Variants in FBXO21 observed in about 807,000 individuals in gnomAD.
FBXO21 encodes the protein F-box protein 21.
A neutral mutation model predicts 76.6 loss-of-function variants in FBXO21; 32 were observed. The ratio of observed to expected loss-of-function variants is 0.42; its 90% confidence interval spans 0.32 to 0.56. The LOEUF is 0.56. FBXO21 is among the 20% of genes least tolerant of loss of function. The pLI is 0.16. For missense variants in FBXO21, 586 were observed against 797.3 expected (o/e 0.73, Z 3.19); for synonymous variants, 328 against 311.5 (o/e 1.05, Z -0.56).
At chr12:117,153,001 G>A (rs1394560134) in intron 11 of FBXO21, among the ~76,000 whole-genome samples, 1 of 152,072 alleles carries the variant, frequency 6.6e-6, no homozygotes, top group Non-Finnish European at 1.5e-5. Context: ...TGCTGGGGCT[G>A]TAAGGGGAAG....
chr12:117,147,242 C>CA (rs1163151005), intron 11 of FBXO21, among the ~76,000 whole-genome samples: 6 of 69,472 alleles, frequency 8.6e-5, no homozygotes, highest in South Asian at 4.9e-4. Flanking sequence ...AAGTCCATCT[C>CA]AAAAAAAAGA....
intron 11 of FBXO21, among the ~76,000 whole-genome samples, chr12:117,150,409 A>G (rs1387895699): frequency 6.6e-6 from 1 of 152,224 alleles, no homozygotes; most frequent in East Asian, 1.9e-4. Flanking sequence ...CTTCCTCTCC[A>G]AGAGAAAAGC....
At chr12:117,170,362 A>G (rs1170013073) in intron 7 of FBXO21, among the ~76,000 whole-genome samples, 1 of 152,200 alleles carries the variant, frequency 6.6e-6, no homozygotes, top group African/African-American at 2.4e-5. Context: ...ACAGACACAT[A>G]GGGTTTCCAA....
chr12:117,173,999 C>T lies in FBXO21; in HGVS notation c.876+206G>A, dbSNP rs191011409. On this transcript the variant is annotated intron_variant, in intron 6 of 11. Coordinates refer to ENST00000622495, the MANE Select transcript of FBXO21 (RefSeq NM_015002.3). ...TTTCTACAAAAAATAAAAAATTAGCCGGGTGTGGTGGCATGTAGTCCTAGC... is the reference window on the plus strand; with the variant it reads ...TTTCTACAAAAAATAAAAAATTAGCTGGGTGTGGTGGCATGTAGTCCTAGC... 1.1e-4 allele frequency among the ~76,000 whole-genome samples: 16 copies of T among 152,114 alleles called. No homozygotes were observed. The East Asian group carries it at 1.5e-3, about 15-fold the overall frequency.
At chr12:117,156,416 AAT>A (rs1454020678) in intron 10 of FBXO21, among the ~76,000 whole-genome samples, 4 of 152,218 alleles carry the variant, frequency 2.6e-5, no homozygotes, top group African/African-American at 7.2e-5. Flanking sequence ...AACATGTAAA[AAT>A]ATGAGACAAC....
In FBXO21 at chr12:117,190,439, G is replaced by A. The variant is rs376499056; in HGVS notation, c.18C>T (p.Val6=). 55 of 1,392,252 alleles carry A rather than the reference G, an allele frequency of 4.0e-5. No homozygotes were observed. The highest frequency in any genetic ancestry group is 2.1e-4 in the South Asian group (16 of 75,540). The allele number at this position is 1,392,252 out of a possible 1,614,324, so 86.2% of individuals were successfully genotyped here. A position where few individuals can be genotyped will look rare whatever the true frequency, so the allele number is the denominator to read the frequency against. The part of the protein sequence containing the change: MAAAA[V]DSAMEVVPAL... ...CCGGCACCACCTCCATCGCGCTGTCGACTGCTGCCGCCGCCATCTTGTCCG... is the reference window on the plus strand; with the variant it reads ...CCGGCACCACCTCCATCGCGCTGTCAACTGCTGCCGCCGCCATCTTGTCCG... The change falls in exon 1 of 12, where the codon GTC becomes GTT. Residue 6 remains valine, a synonymous_variant. Transcript: ENST00000622495.
intron 7 of FBXO21, among the ~76,000 whole-genome samples, chr12:117,172,058 T>C (rs1220325823): frequency 2.6e-5 from 4 of 152,156 alleles, no homozygotes; most frequent in Non-Finnish European, 5.9e-5. Flanking sequence ...AAGGGGGAGA[T>C]TTTACGGAAG....
intron 3 of FBXO21, 105 bp downstream of exon 3, chr12:117,186,372 G>C: frequency 1.3e-6 from 1 of 792,314 alleles, no homozygotes; most frequent in African/African-American, 1.7e-5. Flanking sequence ...GACAAGGCGT[G>C]AAATATTTGG....
Position 117,174,788 on chromosome 12 carries a change from T to C in FBXO21, c.602A>G (p.Tyr201Cys), listed in dbSNP as rs754594166. The change falls in exon 5 of 12, where the codon TAT (tyrosine) becomes TGT (cysteine). Residue 201 changes from tyrosine to cysteine, a missense_variant. Tyr to Cys is a radical substitution (Grantham distance 194). This residue lies in a region of FBXO21 where 246 missense variants were observed against 356.8 expected (regional missense o/e 0.69). Coordinates refer to ENST00000622495, the MANE Select transcript of FBXO21 (RefSeq NM_015002.3). Reference protein sequence around the residue: ...DYESYLEGAVYIDQYCNPLSD... With the variant: ...DYESYLEGAVCIDQYCNPLSD... Reference sequence around the variant, plus strand: ...GAGAGGATTGCAGTACTGGTCAATATATACAGCACCTGAAAATGAACAAGA... The same window carrying C: ...GAGAGGATTGCAGTACTGGTCAATACATACAGCACCTGAAAATGAACAAGA... 6.2e-7 allele frequency: 1 copy of C among 1,611,458 alleles called. No individual in the cohort carries two copies. Among genetic ancestry groups the C allele is most frequent in the Non-Finnish European group, 8.5e-7 (1 of 1,179,132 alleles).
chr12:117,174,137 TA>T, intron 6 of FBXO21, 67 bp downstream of exon 6: 2 of 1,354,034 alleles, frequency 1.5e-6, no homozygotes, highest in Non-Finnish European at 2.1e-6. Context: ...ACCCTGTCTC[TA>T]AAAACAGAAA....
intron 11 of FBXO21, 189 bp downstream of exon 11, chr12:117,155,602 C>A: frequency 1.5e-6 from 1 of 660,316 alleles, no homozygotes; most frequent in Non-Finnish European, 2.6e-6. Context: ...ACTGACCCCT[C>A]GCCAGGGCGG....
intron 7 of FBXO21, among the ~76,000 whole-genome samples, chr12:117,170,286 G>A (rs1956105068): frequency 6.6e-6 from 1 of 152,126 alleles, no homozygotes; most frequent in African/African-American, 2.4e-5. Flanking sequence ...GACTGATAGT[G>A]AGACATTGGC....
intron 2 of FBXO21, 24 bp downstream of exon 2, chr12:117,189,202 TA>T: frequency 6.2e-7 from 1 of 1,614,122 alleles, no homozygotes. Context: ...AGCCAAAGCT[TA>T]GAGCCACATC....
At chr12:117,162,370 A>G (rs1031488541) in intron 9 of FBXO21, among the ~76,000 whole-genome samples, 3 of 152,230 alleles carry the variant, frequency 2.0e-5, no homozygotes, top group Admixed American at 6.5e-5. Flanking sequence ...GCTTGCCTGC[A>G]CTGAACTCCT....
rs545730361 is a variant in FBXO21, at chr12:117,143,082, G to A, written c.*3005C>T. 6.6e-6 allele frequency: 1 copy of A among 152,336 alleles called. No homozygotes were observed. The highest frequency in any genetic ancestry group is 1.9e-4 in the East Asian group (1 of 5,188). 9.4% of individuals were successfully genotyped at this position (152,336 alleles called of 1,614,324 possible). ...TTCAAAATCTGATTAGGTGGATAAT[G>A]TTTGCAAACATGACGCCTGGCAAAA... On this transcript the variant is annotated 3_prime_UTR_variant, in exon 12 of 12. Coordinates refer to ENST00000622495, the MANE Select transcript of FBXO21 (RefSeq NM_015002.3).
At chr12:117,157,595 A>T (rs146274253) in intron 10 of FBXO21, among the ~76,000 whole-genome samples, 8 of 152,292 alleles carry the variant, frequency 5.3e-5, no homozygotes, top group Admixed American at 4.6e-4. Context: ...CCATGTTCTC[A>T]CACACAGAGA....
chr12:117,157,692 C>T (rs541361980), intron 10 of FBXO21, among the ~76,000 whole-genome samples, 181 bp downstream of exon 10: 2 of 151,718 alleles, frequency 1.3e-5, no homozygotes, highest in South Asian at 4.2e-4. Context: ...AGGTCAAAGA[C>T]ACGGTTCAAA....
chr12:117,188,701 C>G (rs1411424947), intron 2 of FBXO21: 1 of 148,190 alleles, frequency 6.7e-6, no homozygotes, highest in African/African-American at 2.5e-5. Flanking sequence ...GAATGCAAGA[C>G]AATTCATTTC....
Position 117,170,121 on chromosome 12 carries a change from T to A in FBXO21, c.1013+2350A>T, listed in dbSNP as rs1361157821. ...ATCATTAATACTTAAAAAAATGTAA[T>A]CTTAAAAATTACCATTTACAACTGA... is the stretch of plus-strand genomic sequence containing the variant. On this transcript the variant is annotated intron_variant, in intron 7 of 11. Coordinates refer to ENST00000622495, the MANE Select transcript of FBXO21 (RefSeq NM_015002.3). 6.1e-5 allele frequency among the ~76,000 whole-genome samples: 7 copies of A among 114,716 alleles called. No homozygotes were observed. The East Asian group carries it at 1.5e-3, about 25-fold the overall frequency. 75.3% of individuals were successfully genotyped at this position (114,716 alleles called of 152,430 possible).
Sources: gnomAD v4.1 joint callset for allele counts (sites outside exome capture counted in the v4.1 genomes callset) on GRCh38, gnomAD v4.1.1 for gene constraint, gnomAD v4.1.1 regional missense constraint, MANE v1.5 for transcripts, NCBI Gene and HGNC (gene_info 2026-07-23, HGNC 2026-07-21) for gene names.